PPAT: variants seen among roughly 807,000 people sequenced by gnomAD.
PPAT encodes the protein amidophosphoribosyltransferase.
In PPAT, 20 loss-of-function variants were observed where a neutral mutation model predicts 60.2. That is an observed-to-expected ratio of 0.33 (90% CI 0.23 to 0.48). The LOEUF is 0.48. Among genes scored for constraint, PPAT ranks in the 20% least tolerant of loss-of-function variants. PPAT has a pLI of 0.99. For missense variants in PPAT, 349 were observed against 629.6 expected (o/e 0.55, Z 4.77); for synonymous variants, 194 against 215.1 (o/e 0.90, Z 0.86).
intron 1 of PPAT, among the ~76,000 whole-genome samples, chr4:56,412,519 C>G (rs1321675975): frequency 6.6e-6 from 1 of 152,110 alleles, no homozygotes; most frequent in African/African-American, 2.4e-5. Context: ...CCTGGCTGGT[C>G]TTGAACTCCT....
chr4:56,406,381 A>T, intron 3 of PPAT, 114 bp downstream of exon 3: 1 of 1,034,672 alleles, frequency 9.7e-7, no homozygotes. Context: ...TGTTGCAGTT[A>T]GGTAACAGGT....
chr4:56,399,301 T>C lies in PPAT; in HGVS notation c.1114A>G (p.Lys372Glu). 6.2e-7 allele frequency: 1 copy of C among 1,614,012 alleles called. No homozygotes were observed. Among genetic ancestry groups the C allele is most frequent in the Non-Finnish European group, 8.5e-7 (1 of 1,179,944 alleles). The change falls in exon 9 of 11, where the codon AAA (lysine) becomes GAA (glutamate). Residue 372 changes from lysine (K) to glutamate (E), a missense_variant. Physicochemically the swap from Lys to Glu is moderately conservative, Grantham distance 56. Coordinates refer to ENST00000264220, the MANE Select transcript of PPAT (RefSeq NM_002703.5). ...MRLRQLGVAK[K>E]FGVLSDNFKG... ...AAGTTGTCTGACAATACTCCAAATT[T>C]TTTTGCAACACCAAGTTGTCTTAAC...
At chr4:56,416,306 A>G (rs1222123683) in intron 1 of PPAT, 2 of 226,852 alleles carry the variant, frequency 8.8e-6, no homozygotes, top group African/African-American at 2.3e-5. Context: ...AGCTATTAGA[A>G]TTATCAGTCA....
chr4:56,412,470 T>C (rs9997639), intron 1 of PPAT, among the ~76,000 whole-genome samples: 104,406 of 151,906 alleles, frequency 0.69, 35,992 homozygotes, highest in Admixed American at 0.76. Flanking sequence ...CCACCATGCC[T>C]GGCTAATTTT....
intron 1 of PPAT, among the ~76,000 whole-genome samples, chr4:56,419,184 A>G (rs550282555): frequency 2.5e-4 from 38 of 152,344 alleles, no homozygotes; most frequent in Non-Finnish European, 2.6e-4. Flanking sequence ...AGATAAAGAA[A>G]AAAGAAAGGA....
At chr4:56,430,494 T>C (rs1425183498) in intron 1 of PPAT, among the ~76,000 whole-genome samples, 1 of 152,114 alleles carries the variant, frequency 6.6e-6, no homozygotes, top group Non-Finnish European at 1.5e-5. Flanking sequence ...CACAGTGCCT[T>C]AGTAATATAC....
intron 1 of PPAT, among the ~76,000 whole-genome samples, chr4:56,434,598 G>C (rs144298967): frequency 2.0e-5 from 3 of 152,146 alleles, no homozygotes; most frequent in Non-Finnish European, 4.4e-5. Context: ...TTGGCATAGA[G>C]ACACTACTCC....
chr4:56,401,324 A>C lies in PPAT; in HGVS notation c.886+6T>G. 1.3e-6 allele frequency: 2 copies of C among 1,564,570 alleles called. No individual in the cohort carries two copies. Among genetic ancestry groups the C allele is most frequent in the Non-Finnish European group, 1.7e-6 (2 of 1,157,836 alleles). ...ATGAATGTTCAAAGAAAAGAAATCT[A>C]CTTACCTTCGAACATACTGTCTGGT... On this transcript the variant is annotated splice_donor_region_variant and intron_variant, in intron 7 of 10. Coordinates refer to ENST00000264220, the MANE Select transcript of PPAT (RefSeq NM_002703.5).
chr4:56,415,100 G>T (rs1015591235), intron 1 of PPAT, among the ~76,000 whole-genome samples: 1 of 152,264 alleles, frequency 6.6e-6, no homozygotes, highest in African/African-American at 2.4e-5. Context: ...GGGAATGCCT[G>T]TAAACATAAT....
At position 56,406,523 on chromosome 4, in the gene PPAT, A is replaced by G; in HGVS notation, c.374T>C (p.Leu125Ser). The change falls in exon 3 of 11, where the codon TTG becomes TCG. Residue 125 changes from leucine to serine, a missense_variant. Physicochemically the swap from Leu to Ser is moderately radical, Grantham distance 145. Transcript: ENST00000264220. ...GKIAVAHNGE[L>S]VNAARLRKKL... The stretch of plus-strand genomic sequence containing the variant: ...TTTCCTTAATCGAGCAGCATTTACC[A>G]ATTCGCCATTATGTGCCACAGCTAT... 6.2e-7 allele frequency: 1 copy of G among 1,612,582 alleles called. No individual in the cohort carries two copies.
At chr4:56,422,370 A>G (rs899759228) in intron 1 of PPAT, 1 of 152,174 alleles carries the variant, frequency 6.6e-6, no homozygotes, top group Non-Finnish European at 1.5e-5. Context: ...TCATTGCTGG[A>G]GATGTAGCTG....
chr4:56,419,821 T>G (rs962316323), intron 1 of PPAT: 35 of 984,210 alleles, frequency 3.6e-5, no homozygotes, highest in Non-Finnish European at 4.2e-5. Context: ...AAATTTGGAA[T>G]AGACAGAGAC....
At chr4:56,408,633 C>T (rs182359828) in intron 1 of PPAT, among the ~76,000 whole-genome samples, 5 of 140,874 alleles carry the variant, frequency 3.5e-5, no homozygotes, top group African/African-American at 5.3e-5. Context: ...GGGCGCCTGT[C>T]GTCCCAGCTA....
Position 56,435,602 on chromosome 4 carries a change from T to C in PPAT, c.-125A>G, listed in dbSNP as rs60112184. 14,981 of 1,529,498 alleles carry C rather than the reference T, an allele frequency of 9.8e-3. 1,091 individuals are homozygous for C. The African/African-American group carries it at 0.17, about 17-fold the overall frequency. The allele number at this position is 1,529,498 out of a possible 1,614,324, so 94.7% of individuals were successfully genotyped here. ...GCGACAGGCTCTTCCTTCCCGAGGG[T>C]GGCCCCAGCTACTGCGGCGGCGCGC... On this transcript the variant is annotated 5_prime_UTR_variant, in exon 1 of 11. Transcript: ENST00000264220.
chr4:56,401,494 T>A lies in PPAT; in HGVS notation c.735-13A>T, dbSNP rs765900038. The A allele has an allele frequency of 7.6e-6, 12 of 1,575,862 alleles. No individual in the cohort carries two copies. The highest frequency in any genetic ancestry group is 1.0e-5 in the Non-Finnish European group (12 of 1,159,516). Reference sequence around the variant, plus strand: ...TTCACGGTAATATCTTGGGAAACAATGTTAAAGAAAGAAGACTTTTAATAA... The same window carrying A: ...TTCACGGTAATATCTTGGGAAACAAAGTTAAAGAAAGAAGACTTTTAATAA... On this transcript the variant is annotated splice_polypyrimidine_tract_variant and intron_variant, in intron 6 of 10. Transcript: ENST00000264220.
chr4:56,407,624 C>T, intron 2 of PPAT, 26 bp downstream of exon 2: 2 of 1,566,804 alleles, frequency 1.3e-6, no homozygotes, highest in Non-Finnish European at 1.8e-6. Context: ...GGTCTGTCAT[C>T]AACATTTCTT....
chr4:56,403,146 G>A lies in PPAT; in HGVS notation c.555C>T (p.Ser185=). 1 of 1,610,702 alleles carries A rather than the reference G, an allele frequency of 6.2e-7. No individual in the cohort carries two copies. The highest frequency in any genetic ancestry group is 8.5e-7 in the Non-Finnish European group (1 of 1,177,806). Reference sequence around the variant, plus strand: ...TAACATCTCTGTGCATTATAAGCAGGGAGTATGCTGTGGGTGCTTCCTTCA... The same window carrying A: ...TAACATCTCTGTGCATTATAAGCAGAGAGTATGCTGTGGGTGCTTCCTTCA... The part of the protein sequence containing the change: ...NLMKEAPTAY[S]LLIMHRDVIY... Residue 185 remains serine, a synonymous_variant, in exon 5 of 11, where the codon TCC becomes TCT. Coordinates refer to ENST00000264220, the MANE Select transcript of PPAT (RefSeq NM_002703.5).
intron 8 of PPAT, chr4:56,399,618 A>C (rs1716063399): frequency 2.3e-6 from 1 of 426,380 alleles, no homozygotes; most frequent in Non-Finnish European, 4.2e-6. Flanking sequence ...TGTCTTAAAC[A>C]TTATTCCTCT....
rs759073359 is a variant in PPAT, at chr4:56,403,152, T to C, written c.549A>G (p.Ala183=). 4.4e-6 allele frequency: 7 copies of C among 1,608,966 alleles called. No individual in the cohort carries two copies. The African/African-American group carries it at 9.4e-5, about 22-fold the overall frequency. ...IKNLMKEAPT[A]YSLLIMHRDV... ...CTCTGTGCATTATAAGCAGGGAGTA[T>C]GCTGTGGGTGCTTCCTTCATCAAGT... Residue 183 remains alanine (A), a synonymous_variant, in exon 5 of 11, where the codon GCA becomes GCG. Coordinates refer to ENST00000264220, the MANE Select transcript of PPAT (RefSeq NM_002703.5).
Sources: gnomAD v4.1 joint callset for allele counts (sites outside exome capture counted in the v4.1 genomes callset) on GRCh38, gnomAD v4.1.1 for gene constraint, MANE v1.5 for transcripts, NCBI Gene and HGNC (gene_info 2026-07-23, HGNC 2026-07-21) for gene names.